The following RARB variants were observed in gnomAD, a reference collection of about 807,000 sequenced individuals.
RARB encodes HBV-activated protein.
RARB carries 17 observed loss-of-function variants against 51.9 expected under a neutral mutation model. The ratio of observed to expected loss-of-function variants is 0.33; its 90% confidence interval spans 0.22 to 0.49. RARB has a LOEUF of 0.49. RARB is among the 20% of genes least tolerant of loss of function. The pLI is 0.99. For missense variants in RARB, 369 were observed against 550.8 expected (o/e 0.67, Z 3.30); for synonymous variants, 215 against 195.4 (o/e 1.10, Z -0.84).
At chr3:25,303,761 C>T (rs1704093361) in intron 5 of RARB, among the ~76,000 whole-genome samples, 2 of 152,294 alleles carry the variant, frequency 1.3e-5, no homozygotes, top group South Asian at 4.1e-4. Context: ...TTCAGTAAAG[C>T]TGCTTTGAGC....
intron 5 of RARB, among the ~76,000 whole-genome samples, chr3:25,339,729 G>C (rs1010549782): frequency 6.6e-6 from 1 of 152,042 alleles, no homozygotes; most frequent in Non-Finnish European, 1.5e-5. Flanking sequence ...TGGATGTTAA[G>C]AGTCAACTGT....
intron 2 of RARB, among the ~76,000 whole-genome samples, chr3:24,922,277 C>T (rs1191699612): frequency 6.6e-6 from 1 of 152,082 alleles, no homozygotes; most frequent in African/African-American, 2.4e-5. Flanking sequence ...AAGCATAATT[C>T]CTGGCACACA....
intron 3 of RARB, among the ~76,000 whole-genome samples, chr3:25,108,286 T>G (rs1017978957): frequency 6.6e-6 from 1 of 152,244 alleles, no homozygotes; most frequent in Admixed American, 6.5e-5. Context: ...AGGGGACTAC[T>G]GTATACTCAA....
At chr3:24,918,828 T>G (rs938833109) in intron 2 of RARB, among the ~76,000 whole-genome samples, 1 of 152,104 alleles carries the variant, frequency 6.6e-6, no homozygotes, top group African/African-American at 2.4e-5. Context: ...GATGCAGAGG[T>G]TGCAGTGAGC....
At chr3:25,092,682 G>T (rs144021196) in intron 3 of RARB, among the ~76,000 whole-genome samples, 1 of 152,136 alleles carries the variant, frequency 6.6e-6, no homozygotes, top group Non-Finnish European at 1.5e-5. Context: ...GAAATTTTGC[G>T]AATGCCTTCT....
At chr3:25,529,861 A>G (rs1308894971) in intron 3 of RARB, among the ~76,000 whole-genome samples, 1 of 152,218 alleles carries the variant, frequency 6.6e-6, no homozygotes. Flanking sequence ...CTTATGTATA[A>G]CTTATATTCT....
chr3:25,499,232 T>C (rs1386259343), intron 2 of RARB, among the ~76,000 whole-genome samples: 1 of 152,236 alleles, frequency 6.6e-6, no homozygotes, highest in Non-Finnish European at 1.5e-5. Context: ...GCAGTGTTAA[T>C]GTACTGCAGG....
At chr3:25,021,559 G>C (rs1172179592) in intron 2 of RARB, among the ~76,000 whole-genome samples, 1 of 152,048 alleles carries the variant, frequency 6.6e-6, no homozygotes, top group Non-Finnish European at 1.5e-5. Flanking sequence ...TGAAGACTTA[G>C]TAATGGGCTT....
At chr3:25,172,918 G>C (rs1215629626) in intron 4 of RARB, among the ~76,000 whole-genome samples, 1 of 152,070 alleles carries the variant, frequency 6.6e-6, no homozygotes, top group Admixed American at 6.5e-5. Flanking sequence ...AACATTGAAA[G>C]GACAAATAAT....
chr3:25,443,251 A>G (rs903465126), intron 1 of RARB, among the ~76,000 whole-genome samples: 1 of 152,148 alleles, frequency 6.6e-6, no homozygotes, highest in Non-Finnish European at 1.5e-5. Flanking sequence ...GGGATGGCAA[A>G]GTAAGTAAGC....
chr3:25,093,875 T>C (rs2125318015), intron 3 of RARB, among the ~76,000 whole-genome samples: 1 of 152,276 alleles, frequency 6.6e-6, no homozygotes, highest in East Asian at 1.9e-4. Flanking sequence ...CCTTTCTCTT[T>C]GCTCAAACTA....
intron 2 of RARB, among the ~76,000 whole-genome samples, chr3:24,968,438 A>T (rs1204545052): frequency 6.6e-6 from 1 of 152,058 alleles, no homozygotes; most frequent in African/African-American, 2.4e-5. Context: ...CCACCTTAGA[A>T]ATTAGTGGTG....
chr3:25,483,937 CTTTA>C (rs962633145), intron 2 of RARB, among the ~76,000 whole-genome samples: 1 of 152,052 alleles, frequency 6.6e-6, no homozygotes, highest in African/African-American at 2.4e-5. Context: ...GCGTAATTTG[CTTTA>C]TTTATTATTT....
At chr3:24,886,654 C>T (rs1369253203) in intron 2 of RARB, among the ~76,000 whole-genome samples, 1 of 151,998 alleles carries the variant, frequency 6.6e-6, no homozygotes, top group African/African-American at 2.4e-5. Flanking sequence ...GTTGCTCAGG[C>T]TGGTCTTCAA....
intron 3 of RARB, among the ~76,000 whole-genome samples, chr3:25,551,062 A>T (rs750915776): frequency 2.6e-5 from 4 of 152,186 alleles, no homozygotes; most frequent in African/African-American, 4.8e-5. Context: ...TAAGAAGGAG[A>T]TGACCTACAA....
chr3:25,125,935 G>C (rs766384106), intron 3 of RARB, among the ~76,000 whole-genome samples: 57 of 152,104 alleles, frequency 3.7e-4, no homozygotes, highest in Non-Finnish European at 6.3e-4. Flanking sequence ...CTCCAGGCAG[G>C]AAAACCAGAC....
intron 5 of RARB, among the ~76,000 whole-genome samples, chr3:25,183,389 T>C (rs1700905230): frequency 6.6e-6 from 1 of 152,150 alleles, no homozygotes; most frequent in Admixed American, 6.5e-5. Flanking sequence ...TCCTCTGATT[T>C]TCATTTTGTC....
intron 3 of RARB, among the ~76,000 whole-genome samples, chr3:25,512,224 G>T (rs1229078284): frequency 1.3e-5 from 2 of 152,178 alleles, no homozygotes; most frequent in Non-Finnish European, 2.9e-5. Flanking sequence ...CTAAAGATTG[G>T]TGTATTCATT....
intron 2 of RARB, among the ~76,000 whole-genome samples, chr3:24,996,166 T>C (rs1276796425): frequency 1.3e-5 from 2 of 152,124 alleles, no homozygotes; most frequent in Non-Finnish European, 2.9e-5. Flanking sequence ...AGCTTCCATT[T>C]CTTTGTGGTT....
Sources: allele counts gnomAD v4.1 joint callset (sites outside exome capture counted in the v4.1 genomes callset), GRCh38; gene constraint gnomAD v4.1.1; transcripts MANE v1.5; gene names NCBI Gene and HGNC (gene_info 2026-07-23, HGNC 2026-07-21).